ADGRL3: variants seen among roughly 807,000 people sequenced by gnomAD.
ADGRL3 encodes adhesion G protein-coupled receptor L3.
ADGRL3 carries 62 observed loss-of-function variants against 153.5 expected under a neutral mutation model. The ratio of observed to expected loss-of-function variants is 0.40; its 90% CI spans 0.33 to 0.50. The LOEUF (loss-of-function observed/expected upper bound fraction) is 0.50. Ranked by LOEUF, ADGRL3 falls within the 20% of genes least tolerant of loss-of-function variation. ADGRL3 has a pLI of 0.47. For missense variants in ADGRL3, 1,641 were observed against 1,859.4 expected (o/e 0.88, Z 2.16); for synonymous variants, 710 against 672.5 (o/e 1.06, Z -0.86).
At chr4:61,906,930 C>T (rs1476507338) in intron 11 of ADGRL3, among the ~76,000 whole-genome samples, 1 of 152,042 alleles carries the variant, frequency 6.6e-6, no homozygotes. Context: ...TTTCTGAATA[C>T]CCATTAGTCA....
In ADGRL3 at chr4:61,965,668, G is replaced by A. The variant is rs565731536; in HGVS notation, c.2806-13895G>A. Among the ~76,000 whole-genome samples the A allele has an allele frequency of 6.6e-5, 10 of 152,020 alleles. 1 individual carries two copies. The highest frequency in any genetic ancestry group is 2.1e-4 in the South Asian group (1 of 4,822). On this transcript the variant is annotated intron_variant, in intron 17 of 26. Transcript: ENST00000683033. ...CGGGAGGCTGAGTCAGGAGAATGGCGTGAACCCAGAAGGTGGAGCTTGCAG... is the reference window on the plus strand; with the variant it reads ...CGGGAGGCTGAGTCAGGAGAATGGCATGAACCCAGAAGGTGGAGCTTGCAG...
At chr4:61,403,075 G>A (rs1336822899) in intron 2 of ADGRL3, among the ~76,000 whole-genome samples, 13 of 139,568 alleles carry the variant, frequency 9.3e-5, no homozygotes, top group Non-Finnish European at 1.6e-4. Context: ...CACAGGGAGC[G>A]GGAACTCTCT....
At chr4:61,546,610 A>G (rs750971720) in intron 4 of ADGRL3, among the ~76,000 whole-genome samples, 5 of 152,278 alleles carry the variant, frequency 3.3e-5, no homozygotes, top group East Asian at 1.9e-4. Context: ...TTCATGTTCA[A>G]TGAAGTCACG....
At position 61,708,661 on chromosome 4, in the gene ADGRL3, T is replaced by C. The variant is rs150607877; in HGVS notation, c.584-21961T>C. Reference sequence around the variant, plus strand: ...CAGATCAGATGGATGATTTTATTTTTGTAAGAATACAAAAACAATAAAAAA... The same window carrying C: ...CAGATCAGATGGATGATTTTATTTTCGTAAGAATACAAAAACAATAAAAAA... On this transcript the variant is annotated intron_variant, in intron 6 of 26. Coordinates refer to ENST00000683033, the MANE Select transcript of ADGRL3 (RefSeq NM_001387552.1). Among the ~76,000 whole-genome samples, 387 of 152,226 alleles carry C rather than the reference T, an allele frequency of 2.5e-3. 2 individuals carry two copies. The highest frequency in any genetic ancestry group is 8.8e-3 in the African/African-American group (367 of 41,558).
intron 1 of ADGRL3, among the ~76,000 whole-genome samples, chr4:61,239,289 A>G (rs1754031050): frequency 6.6e-6 from 1 of 152,124 alleles, no homozygotes; most frequent in Admixed American, 6.6e-5. Context: ...GTGGGGTGAT[A>G]TTTTATAGAG....
intron 3 of ADGRL3, among the ~76,000 whole-genome samples, chr4:61,506,787 T>A (rs140250075): frequency 4.7e-4 from 71 of 152,216 alleles, no homozygotes; most frequent in Non-Finnish European, 8.5e-4. Flanking sequence ...AAAAATAACG[T>A]GCAAACATAA....
At chr4:61,275,396 C>T (rs1054979692) in intron 1 of ADGRL3, among the ~76,000 whole-genome samples, 8 of 152,148 alleles carry the variant, frequency 5.3e-5, no homozygotes, top group Non-Finnish European at 1.2e-4. Flanking sequence ...CCTAGAGCAT[C>T]TGCCTAGTGT....
intron 2 of ADGRL3, among the ~76,000 whole-genome samples, chr4:61,393,821 A>C (rs1435960084): frequency 6.6e-6 from 1 of 152,292 alleles, no homozygotes; most frequent in East Asian, 1.9e-4. Flanking sequence ...ACTTTAAAAT[A>C]AATCATTTAT....
At position 61,547,336 on chromosome 4, in the gene ADGRL3, A is replaced by G. The variant is rs563998195; in HGVS notation, c.259+29818A>G. 4.0e-4 allele frequency among the ~76,000 whole-genome samples: 60 copies of G among 151,448 alleles called. 1 individual carries two copies. The South Asian group carries it at 0.013, about 32-fold the overall frequency. On this transcript the variant is annotated intron_variant, in intron 4 of 26. Coordinates refer to ENST00000683033, the MANE Select transcript of ADGRL3 (RefSeq NM_001387552.1). ...TTGTCATGTAGGTAAATTGCATGTC[A>G]GAGGAATTTGGTACACAGATTATTT...
chr4:61,314,659 G>T (rs1403043720), intron 1 of ADGRL3, among the ~76,000 whole-genome samples: 1 of 152,092 alleles, frequency 6.6e-6, no homozygotes, highest in Non-Finnish European at 1.5e-5. Context: ...TTTACTTCTG[G>T]CCCAGTGATT....
At chr4:61,539,445 C>T (rs1029301129) in intron 4 of ADGRL3, among the ~76,000 whole-genome samples, 4 of 152,166 alleles carry the variant, frequency 2.6e-5, no homozygotes, top group Admixed American at 6.5e-5. Context: ...CCTCACTGAG[C>T]GTTAGATCTT....
chr4:61,575,095 G>T (rs563626138), intron 4 of ADGRL3, among the ~76,000 whole-genome samples: 1 of 151,918 alleles, frequency 6.6e-6, no homozygotes, highest in Non-Finnish European at 1.5e-5. Context: ...GATTGAAGCA[G>T]AAAAAGGAAT....
At chr4:61,702,899 C>T (rs1396527551) in intron 6 of ADGRL3, among the ~76,000 whole-genome samples, 1 of 151,986 alleles carries the variant, frequency 6.6e-6, no homozygotes, top group Non-Finnish European at 1.5e-5. Flanking sequence ...TCTTGATATT[C>T]TAGTTATATT....
At chr4:61,736,099 AT>A (rs528816048) in intron 8 of ADGRL3, among the ~76,000 whole-genome samples, 470 of 152,200 alleles carry the variant, frequency 3.1e-3, no homozygotes, top group Non-Finnish European at 5.0e-3. Flanking sequence ...GTGTATTAGT[AT>A]ACATATTCAT....
chr4:61,568,908 G>A (rs148457750), intron 4 of ADGRL3, among the ~76,000 whole-genome samples: 1,614 of 152,116 alleles, frequency 0.011, 27 homozygotes, highest in African/African-American at 0.037. Flanking sequence ...TAGAACAGTG[G>A]CTGTCTTCAA....
At chr4:61,767,841 A>G (rs6551655) in intron 8 of ADGRL3, among the ~76,000 whole-genome samples, 90,311 of 151,844 alleles carry the variant, frequency 0.59, 27,760 homozygotes, top group East Asian at 0.8. Context: ...GATGTGGCTG[A>G]GGTTTGTCTC....
intron 1 of ADGRL3, among the ~76,000 whole-genome samples, chr4:61,296,177 A>G (rs1483262041): frequency 6.6e-6 from 1 of 152,144 alleles, no homozygotes; most frequent in Non-Finnish European, 1.5e-5. Context: ...AACAAAAGCA[A>G]AGCTAACTTA....
intron 21 of ADGRL3, among the ~76,000 whole-genome samples, chr4:61,999,640 A>G (rs990408072): frequency 1.3e-5 from 2 of 152,196 alleles, no homozygotes; most frequent in Non-Finnish European, 2.9e-5. Context: ...TCAGATAGCA[A>G]TTATGTCACC....
At chr4:61,454,472 C>CT (rs1389584910) in intron 2 of ADGRL3, among the ~76,000 whole-genome samples, 4 of 151,964 alleles carry the variant, frequency 2.6e-5, no homozygotes, top group Non-Finnish European at 4.4e-5. Context: ...GCAAATAAGA[C>CT]TTTTTTGGTG....
Sources: gnomAD v4.1 joint callset for allele counts (sites outside exome capture counted in the v4.1 genomes callset) on GRCh38, gnomAD v4.1.1 for gene constraint, MANE v1.5 for transcripts, NCBI Gene and HGNC (gene_info 2026-07-23, HGNC 2026-07-21) for gene names.